NKAIN3: variants seen among roughly 807,000 people sequenced by gnomAD.
NKAIN3 encodes sodium/potassium transporting ATPase interacting 3.
In NKAIN3, 25 loss-of-function variants were observed where a neutral mutation model predicts 30.2. That is an observed-to-expected ratio of 0.83 (90% CI 0.60 to 1.16). The LOEUF is 1.16. NKAIN3 is among the 50% of genes most tolerant of loss of function. The probability of loss-of-function intolerance (pLI) is 0.00; values close to 1 mark genes in which losing one functional copy is unlikely to be tolerated. For missense variants in NKAIN3, 225 were observed against 254.1 expected, an observed-to-expected ratio of 0.89 and a Z score of 0.78; for synonymous variants, 91 against 89.6, an observed-to-expected ratio of 1.02 and a Z score of -0.09.
At chr8:62,486,207 A>G (rs887444715) in intron 1 of NKAIN3, among the ~76,000 whole-genome samples, 13 of 152,172 alleles carry the variant, frequency 8.5e-5, no homozygotes, top group African/African-American at 3.1e-4. Flanking sequence ...AGAAAGTCTG[A>G]TGAGTGGAGA....
At chr8:62,926,309 A>G (rs1822440644) in intron 5 of NKAIN3, among the ~76,000 whole-genome samples, 1 of 152,122 alleles carries the variant, frequency 6.6e-6, no homozygotes, top group South Asian at 2.1e-4. Flanking sequence ...TTTAAATCTA[A>G]ATTCAGTATT....
At chr8:62,537,405 C>T (rs1808698125) in intron 1 of NKAIN3, among the ~76,000 whole-genome samples, 1 of 152,070 alleles carries the variant, frequency 6.6e-6, no homozygotes, top group Admixed American at 6.6e-5. Flanking sequence ...GCAGTTCTTT[C>T]TTCATGGGGG....
chr8:62,626,595 C>T (rs1447360319), intron 3 of NKAIN3, among the ~76,000 whole-genome samples: 1 of 152,054 alleles, frequency 6.6e-6, no homozygotes, highest in Admixed American at 6.6e-5. Flanking sequence ...GGGACAGACT[C>T]CTGGGCTTTG....
rs541670677 is a variant in NKAIN3 at position 62,978,481 on chromosome 8, C to G, written c.*13074C>G. The G allele has an allele frequency of 1.8e-4, 27 of 152,276 alleles. No individual in the cohort carries two copies. Among genetic ancestry groups the G allele is most frequent in the African/African-American group, 5.8e-4 (24 of 41,462 alleles). 9.4% of individuals were successfully genotyped at this position (152,276 alleles called of 1,614,324 possible). On this transcript the variant is annotated 3_prime_UTR_variant, in exon 7 of 7. Transcript: ENST00000623646. Reference sequence around the variant, plus strand: ...TTGCAGCGCTGCAGTGGGCTCCACTCAGACTGAACTTCCTGGCAGCTTTGT... The same window carrying G: ...TTGCAGCGCTGCAGTGGGCTCCACTGAGACTGAACTTCCTGGCAGCTTTGT...
intron 1 of NKAIN3, among the ~76,000 whole-genome samples, chr8:62,489,649 TTTAA>T (rs1306091612): frequency 6.6e-6 from 1 of 152,260 alleles, no homozygotes; most frequent in African/African-American, 2.4e-5. Context: ...TGCATTTTAT[TTTAA>T]TTGTGTTCTT....
At chr8:62,922,019 G>T (rs1822295073) in intron 5 of NKAIN3, among the ~76,000 whole-genome samples, 2 of 152,132 alleles carry the variant, frequency 1.3e-5, no homozygotes, top group Non-Finnish European at 1.5e-5. Context: ...GCTCACAAAG[G>T]CTAGTCTGGG....
At chr8:62,910,410 T>C (rs1821895895) in intron 4 of NKAIN3, among the ~76,000 whole-genome samples, 1 of 152,152 alleles carries the variant, frequency 6.6e-6, no homozygotes, top group African/African-American at 2.4e-5. Context: ...TCTTTGAATT[T>C]CAACTGTATT....
intron 1 of NKAIN3, among the ~76,000 whole-genome samples, chr8:62,505,565 C>G (rs1807605426): frequency 6.6e-6 from 1 of 151,892 alleles, no homozygotes. Flanking sequence ...CATTTCTATC[C>G]CCTGCTCTAC....
chr8:62,861,549 A>C (rs2130788212), intron 4 of NKAIN3, among the ~76,000 whole-genome samples: 1 of 152,306 alleles, frequency 6.6e-6, no homozygotes, highest in Non-Finnish European at 1.5e-5. Flanking sequence ...AAAACACTGG[A>C]GTACAAAAGA....
intron 4 of NKAIN3, among the ~76,000 whole-genome samples, chr8:62,883,710 C>T (rs1453487645): frequency 6.6e-6 from 1 of 151,612 alleles, no homozygotes; most frequent in Non-Finnish European, 1.5e-5. Flanking sequence ...TGTTTTTTGC[C>T]AAGTTGATTT....
intron 3 of NKAIN3, among the ~76,000 whole-genome samples, chr8:62,712,821 C>T (rs1814765191): frequency 1.3e-5 from 2 of 152,178 alleles, no homozygotes; most frequent in African/African-American, 4.8e-5. Context: ...CTCCCTGCTT[C>T]CCTGGCCACT....
rs999284094 is a variant in NKAIN3 at position 62,673,555 on chromosome 8, A to C, written c.274-73377A>C. ...CCTCCATAGTGTCGGGGAGCTAGCT[A>C]TAGTCATGCATCACTTAATGACAGG... On this transcript the variant is annotated intron_variant, in intron 3 of 6. Coordinates refer to ENST00000623646, the MANE Select transcript of NKAIN3 (RefSeq NM_001304533.3). Among the ~76,000 whole-genome samples the C allele has an allele frequency of 5.9e-5, 9 of 152,212 alleles. No individual in the cohort carries two copies. In the South Asian group the frequency reaches 1.9e-3, roughly 32 times the overall value.
At chr8:62,501,017 T>C (rs1807434457) in intron 1 of NKAIN3, among the ~76,000 whole-genome samples, 1 of 152,210 alleles carries the variant, frequency 6.6e-6, no homozygotes, top group South Asian at 2.1e-4. Context: ...TATTCTTTGT[T>C]ATGCTAATTA....
At chr8:62,538,901 T>G (rs977166620) in intron 1 of NKAIN3, among the ~76,000 whole-genome samples, 5 of 152,218 alleles carry the variant, frequency 3.3e-5, no homozygotes, top group African/African-American at 1.2e-4. Context: ...GCTTACCACT[T>G]TATCCCCTTA....
intron 1 of NKAIN3, among the ~76,000 whole-genome samples, chr8:62,422,636 A>G (rs983647132): frequency 1.3e-4 from 20 of 152,120 alleles, no homozygotes; most frequent in African/African-American, 4.8e-4. Context: ...TTTCCCATTG[A>G]AACTGAATGT....
chr8:62,614,648 A>G (rs1811394360), intron 3 of NKAIN3, among the ~76,000 whole-genome samples: 1 of 152,148 alleles, frequency 6.6e-6, no homozygotes, highest in Admixed American at 6.5e-5. Flanking sequence ...GTCAGGAACT[A>G]GAGTCAGAAA....
rs60551764 is a variant in NKAIN3, at chr8:62,647,417, T to A, written c.273+57623T>A. 1.5e-3 allele frequency among the ~76,000 whole-genome samples: 224 copies of A among 152,324 alleles called. 1 individual carries two copies. Among genetic ancestry groups the A allele is most frequent in the African/African-American group, 5.2e-3 (216 of 41,572 alleles). On this transcript the variant is annotated intron_variant, in intron 3 of 6. Coordinates refer to ENST00000623646, the MANE Select transcript of NKAIN3 (RefSeq NM_001304533.3). ...ATTATGAGCAAGGTGGACAGAGAAC[T>A]TGCCTAAGACGGAAAGGAGAATTCA...
At chr8:62,731,817 T>G (rs1375728759) in intron 3 of NKAIN3, among the ~76,000 whole-genome samples, 1 of 152,102 alleles carries the variant, frequency 6.6e-6, no homozygotes, top group Non-Finnish European at 1.5e-5. Context: ...TTTTCATCCC[T>G]CCCTCACAAG....
At chr8:62,315,086 A>G (rs990953390) in intron 1 of NKAIN3, among the ~76,000 whole-genome samples, 1 of 152,208 alleles carries the variant, frequency 6.6e-6, no homozygotes, top group Non-Finnish European at 1.5e-5. Context: ...AGACAGAGCC[A>G]TCACGCAGGA....
Sources: gnomAD v4.1 joint callset for allele counts (sites outside exome capture counted in the v4.1 genomes callset) on GRCh38, gnomAD v4.1.1 for gene constraint, MANE v1.5 for transcripts, NCBI Gene and HGNC (gene_info 2026-07-23, HGNC 2026-07-21) for gene names.